The following TINAG variants were observed in gnomAD, a reference collection of about 807,000 sequenced individuals.
TINAG encodes the protein tubulointerstitial nephritis antigen.
A neutral mutation model predicts 72.7 loss-of-function variants in TINAG; 83 were observed. The observed-to-expected ratio is 1.14, with a 90% CI of 0.96 to 1.37. The LOEUF (loss-of-function observed/expected upper bound fraction) is 1.37. Among genes scored for constraint, TINAG ranks in the 40% most tolerant of loss-of-function variants. The pLI is 0.00. For missense variants in TINAG, 685 were observed against 576.6 expected (o/e 1.19, Z -1.93); for synonymous variants, 234 against 189.9 (o/e 1.23, Z -1.91).
At chr6:54,349,182 G>A (rs1018215612) in intron 6 of TINAG, among the ~76,000 whole-genome samples, 1 of 150,928 alleles carries the variant, frequency 6.6e-6, no homozygotes, top group Non-Finnish European at 1.5e-5. Context: ...AAAGTATCAC[G>A]AACTACAGAT....
At chr6:54,323,382 C>T (rs533466776) in intron 3 of TINAG, among the ~76,000 whole-genome samples, 92 of 152,270 alleles carry the variant, frequency 6.0e-4, no homozygotes, top group African/African-American at 2.1e-3. Flanking sequence ...CTCAGCTATT[C>T]TCTCTTCATT....
chr6:54,343,326 C>T lies in TINAG; in HGVS notation c.725C>T (p.Ala242Val), dbSNP rs767286970. ...HGPLDQKNCA[A>V]SWAFSTASVA... ...CCATTGGATCAAAAAAATTGTGCTG[C>T]ATCCTGGGCATTTTCCACTGCAAGT... is the stretch of plus-strand genomic sequence containing the variant. Residue 242 changes from alanine (A) to valine (V), a missense_variant, in exon 5 of 11, where the codon GCA becomes GTA. Ala to Val is a moderately conservative substitution (Grantham distance 64). Transcript: ENST00000259782. 9.0e-6 allele frequency: 14 copies of T among 1,555,492 alleles called. No homozygotes were observed. Among genetic ancestry groups the T allele is most frequent in the Non-Finnish European group, 1.2e-5 (14 of 1,148,596 alleles).
chr6:54,336,568 C>T (rs1024800042), intron 4 of TINAG, among the ~76,000 whole-genome samples: 4 of 151,968 alleles, frequency 2.6e-5, no homozygotes, highest in Non-Finnish European at 4.4e-5. Flanking sequence ...TGTGTTATAT[C>T]TTATAAATAT....
intron 9 of TINAG, among the ~76,000 whole-genome samples, chr6:54,372,723 CATACATATAT>C (rs1333402728): frequency 9.0e-5 from 11 of 122,598 alleles, no homozygotes; most frequent in Non-Finnish European, 9.9e-5. Flanking sequence ...TATATAAATA[CATACATATAT>C]ATATATATAT....
rs1391626580 is a variant in TINAG, at chr6:54,308,780, C to T, written c.230C>T (p.Ala77Val). Reference sequence around the variant, plus strand: ...GGCTGTGTCACTGAGTTCTATGCGGCGAATGCGTTGTGCTACTGTGATAAA... The same window carrying T: ...GGCTGTGTCACTGAGTTCTATGCGGTGAATGCGTTGTGCTACTGTGATAAA... ...DDGCVTEFYA[A>V]NALCYCDKFC... is the part of the protein sequence containing the mutation. The change falls in exon 1 of 11, where the codon GCG becomes GTG. Residue 77 changes from alanine (A) to valine (V), a missense_variant. Physicochemically the swap from Ala to Val is moderately conservative, Grantham distance 64 (BLOSUM62 0). Coordinates refer to ENST00000259782, the MANE Select transcript of TINAG (RefSeq NM_014464.4). The T allele has an allele frequency of 5.0e-6, 8 of 1,613,666 alleles. No homozygotes were observed. The highest frequency in any genetic ancestry group is 2.2e-5 in the South Asian group (2 of 91,082).
At chr6:54,363,648 C>T (rs993773872) in intron 9 of TINAG, among the ~76,000 whole-genome samples, 3 of 148,398 alleles carry the variant, frequency 2.0e-5, no homozygotes, top group Non-Finnish European at 4.5e-5. Context: ...GGCAGATTTA[C>T]TGATCTCACA....
intron 4 of TINAG, among the ~76,000 whole-genome samples, chr6:54,329,705 C>A (rs907289743): frequency 2.0e-5 from 3 of 152,090 alleles, no homozygotes; most frequent in Non-Finnish European, 4.4e-5. Context: ...CAAGACCCAT[C>A]ATTGTGCTGT....
chr6:54,308,687 G>C lies in TINAG; in HGVS notation c.137G>C (p.Arg46Pro), dbSNP rs147898099. The C allele has an allele frequency of 2.4e-5, 38 of 1,613,688 alleles. No individual in the cohort carries two copies. The highest frequency in any genetic ancestry group is 1.6e-4 in the Middle Eastern group (1 of 6,080). Residue 46 changes from arginine (R) to proline (P), a missense_variant, in exon 1 of 11, where the codon CGA (arginine) becomes CCA (proline). Transcript: ENST00000259782. ...TRNHTVLQGTRFKRAIFQGQY... is the reference protein window; with the variant it reads ...TRNHTVLQGTPFKRAIFQGQY... ...AATCACACCGTTTTGCAAGGTACTCGATTCAAAAGAGCCATTTTCCAAGGG... is the reference window on the plus strand; with the variant it reads ...AATCACACCGTTTTGCAAGGTACTCCATTCAAAAGAGCCATTTTCCAAGGG...
intron 9 of TINAG, among the ~76,000 whole-genome samples, chr6:54,368,056 TG>T (rs1220362637): frequency 1.3e-5 from 2 of 151,610 alleles, no homozygotes; most frequent in African/African-American, 4.8e-5. Context: ...ATAGGAATTT[TG>T]GGGGGACACA....
At chr6:54,340,219 A>G (rs968449702) in intron 4 of TINAG, among the ~76,000 whole-genome samples, 1 of 152,112 alleles carries the variant, frequency 6.6e-6, no homozygotes, top group South Asian at 2.1e-4. Context: ...TGATTTGGAA[A>G]TATGGTTAGA....
intron 5 of TINAG, 44 bp from the exon 6 acceptor site, chr6:54,347,323 A>G (rs1452516144): frequency 1.2e-6 from 2 of 1,600,604 alleles, no homozygotes; most frequent in Non-Finnish European, 1.7e-6. Context: ...TATTAGAAAT[A>G]CCGTGTATCA....
chr6:54,345,466 AT>A (rs1393766289), intron 5 of TINAG, among the ~76,000 whole-genome samples: 1 of 152,164 alleles, frequency 6.6e-6, no homozygotes, highest in Non-Finnish European at 1.5e-5. Flanking sequence ...AAGATGAGAA[AT>A]ATCAGAAATA....
In TINAG at chr6:54,339,851, T is replaced by G. The variant is rs562091311; in HGVS notation, c.625-3375T>G. On this transcript the variant is annotated intron_variant, in intron 4 of 10. Coordinates refer to ENST00000259782, the MANE Select transcript of TINAG (RefSeq NM_014464.4). ...TTCATTCTCTGTTGCTTCATTTGGT[T>G]CTCAGGTCACTATAAGCATCCAAGC... Among the ~76,000 whole-genome samples, 210 of 152,274 alleles carry G rather than the reference T, an allele frequency of 1.4e-3. 1 individual carries two copies. Among genetic ancestry groups the G allele is most frequent in the African/African-American group, 4.9e-3 (202 of 41,568 alleles).
chr6:54,333,617 A>T (rs983316560), intron 4 of TINAG, among the ~76,000 whole-genome samples: 5 of 138,276 alleles, frequency 3.6e-5, no homozygotes, highest in Admixed American at 6.9e-5. Context: ...GAAGTATAAT[A>T]AAAAAAAAAA....
At chr6:54,362,251 C>T (rs533306461) in intron 9 of TINAG, among the ~76,000 whole-genome samples, 2 of 151,778 alleles carry the variant, frequency 1.3e-5, no homozygotes, top group Admixed American at 6.6e-5. Flanking sequence ...ATCAAAGCTT[C>T]AAAGGACAGG....
At chr6:54,332,137 GAA>G (rs1784756844) in intron 4 of TINAG, among the ~76,000 whole-genome samples, 1 of 151,998 alleles carries the variant, frequency 6.6e-6, no homozygotes, top group African/African-American at 2.4e-5. Context: ...TATATGGAAT[GAA>G]AAGAGATCCC....
chr6:54,335,710 C>T (rs1784849383), intron 4 of TINAG, among the ~76,000 whole-genome samples: 1 of 152,162 alleles, frequency 6.6e-6, no homozygotes, highest in Non-Finnish European at 1.5e-5. Flanking sequence ...TATGTGATAT[C>T]AAACTGCCTC....
chr6:54,326,944 T>A (rs1314164873), intron 4 of TINAG, 28 bp downstream of exon 4: 8 of 1,612,838 alleles, frequency 5.0e-6, no homozygotes, highest in Non-Finnish European at 5.9e-6. Flanking sequence ...TTCACGTATG[T>A]GCATGTATTT....
At chr6:54,344,203 A>C (rs1463321010) in intron 5 of TINAG, among the ~76,000 whole-genome samples, 1 of 152,220 alleles carries the variant, frequency 6.6e-6, no homozygotes, top group East Asian at 1.9e-4. Flanking sequence ...CTGTTCAAGA[A>C]GCCAGCTCTG....
Sources: allele counts gnomAD v4.1 joint callset (sites outside exome capture counted in the v4.1 genomes callset), GRCh38; gene constraint gnomAD v4.1.1; transcripts MANE v1.5; gene names NCBI Gene and HGNC (gene_info 2026-07-23, HGNC 2026-07-21).